TASP1: variants seen among roughly 807,000 people sequenced by gnomAD.
TASP1 encodes taspase 1.
A neutral mutation model predicts 56.6 loss-of-function variants in TASP1; 16 were observed. The ratio of observed to expected loss-of-function variants is 0.28; its 90% CI spans 0.19 to 0.43. The LOEUF (loss-of-function observed/expected upper bound fraction) is 0.43, where lower values mean the gene tolerates loss of function less well. Ranked by LOEUF, TASP1 falls within the 20% of genes least tolerant of loss-of-function variation. TASP1 has a pLI of 1.00. For synonymous variants in TASP1, 179 were observed against 184.2 expected, an observed-to-expected ratio of 0.97 and a Z score of 0.23; for missense variants, 393 against 511.6, an observed-to-expected ratio of 0.77 and a Z score of 2.24.
chr20:13,404,369 G>A (rs1239497427), intron 13 of TASP1, among the ~76,000 whole-genome samples: 1 of 152,186 alleles, frequency 6.6e-6, no homozygotes, highest in Non-Finnish European at 1.5e-5. Context: ...TTGGGAGGCC[G>A]AGGCGGGAGT....
the TASP1 span, among the ~76,000 whole-genome samples, chr20:13,253,739 A>C: frequency 1.3e-5 from 2 of 152,266 alleles, no homozygotes; most frequent in East Asian, 3.9e-4. Context: ...ACATGAATTA[A>C]ATTAATAACT....
chr20:13,310,040 A>G, the TASP1 span, among the ~76,000 whole-genome samples: 1 of 152,222 alleles, frequency 6.6e-6, no homozygotes, highest in Non-Finnish European at 1.5e-5. Flanking sequence ...AATTCGATGC[A>G]ATCCCTAACA....
At chr20:13,436,190 A>G (rs1250316206) in intron 11 of TASP1, among the ~76,000 whole-genome samples, 1 of 152,174 alleles carries the variant, frequency 6.6e-6, no homozygotes, top group Non-Finnish European at 1.5e-5. Flanking sequence ...AAAAAGGTTC[A>G]GAAATTGTAG....
chr20:13,359,960 T>G, the TASP1 span, among the ~76,000 whole-genome samples: 14 of 151,852 alleles, frequency 9.2e-5, no homozygotes, highest in Non-Finnish European at 1.9e-4. Context: ...TATCCCATCC[T>G]GCAGCACACT....
chr20:13,464,485 T>A (rs905394597), intron 11 of TASP1, among the ~76,000 whole-genome samples: 7 of 152,132 alleles, frequency 4.6e-5, no homozygotes, highest in African/African-American at 1.7e-4. Flanking sequence ...CCCAGCACAC[T>A]AATATAAGGA....
chr20:13,415,444 CTTTTTTT>C (rs368921864), intron 13 of TASP1, among the ~76,000 whole-genome samples: 11 of 133,050 alleles, frequency 8.3e-5, no homozygotes, highest in Non-Finnish European at 1.6e-4. Flanking sequence ...TTGGGGTTTT[CTTTTTTT>C]TTTTTTTTTT....
At chr20:13,106,082 G>A in the TASP1 span, among the ~76,000 whole-genome samples, 1 of 152,100 alleles carries the variant, frequency 6.6e-6, no homozygotes, top group Admixed American at 6.6e-5. Flanking sequence ...TCTTGGGAAC[G>A]TTCAAAAAAT....
chr20:13,339,105 G>T, the TASP1 span, among the ~76,000 whole-genome samples: 1 of 152,212 alleles, frequency 6.6e-6, no homozygotes, highest in Non-Finnish European at 1.5e-5. Flanking sequence ...TAAATCTGCT[G>T]AGTTTAGGAC....
At chr20:13,522,186 C>A (rs1601108861) in intron 10 of TASP1, among the ~76,000 whole-genome samples, 1 of 152,206 alleles carries the variant, frequency 6.6e-6, no homozygotes, top group Non-Finnish European at 1.5e-5. Flanking sequence ...CCTTATAGGC[C>A]CTTCATTAGG....
intron 11 of TASP1, among the ~76,000 whole-genome samples, chr20:13,454,145 T>C (rs2043737566): frequency 6.6e-6 from 1 of 151,912 alleles, no homozygotes; most frequent in Admixed American, 6.6e-5. Flanking sequence ...GTAATCACAC[T>C]GGAAACCATG....
At chr20:13,384,473 CCAAA>C (rs746714852), downstream of TASP1, among the ~76,000 whole-genome samples, 22 of 152,158 alleles carry the variant, frequency 1.4e-4, no homozygotes, top group Non-Finnish European at 2.5e-4. Flanking sequence ...CTTCCTGTGG[CCAAA>C]CACTTTAGAG....
At chr20:13,445,002 A>G (rs1287702389) in intron 11 of TASP1, among the ~76,000 whole-genome samples, 2 of 152,188 alleles carry the variant, frequency 1.3e-5, no homozygotes, top group African/African-American at 4.8e-5. Context: ...AGGAGAGGAG[A>G]GTTGAATTGA....
the TASP1 span, among the ~76,000 whole-genome samples, chr20:13,268,149 C>CTCTTCTCTTCTCTTCTCTTA: frequency 1.3e-5 from 2 of 150,220 alleles, no homozygotes; most frequent in African/African-American, 4.9e-5. Flanking sequence ...CTCTTCTCTT[C>CTCTTCTCTTCTCTTCTCTTA]TCTTCCCTTC....
intron 11 of TASP1, among the ~76,000 whole-genome samples, chr20:13,447,009 T>C (rs966635397): frequency 6.6e-5 from 10 of 152,152 alleles, no homozygotes; most frequent in African/African-American, 2.2e-4. Context: ...TCTGGACATA[T>C]TTACCTTTCA....
chr20:13,511,567 A>G (rs1244824343), intron 10 of TASP1, among the ~76,000 whole-genome samples: 1 of 152,048 alleles, frequency 6.6e-6, no homozygotes, highest in Non-Finnish European at 1.5e-5. Context: ...CATAGAACAA[A>G]GCCTCTACCA....
chr20:13,380,221 T>C, the TASP1 span, among the ~76,000 whole-genome samples: 1 of 152,250 alleles, frequency 6.6e-6, no homozygotes, highest in African/African-American at 2.4e-5. Context: ...TATCTACCTT[T>C]GGTCTTTGAT....
chr20:13,419,414 T>G (rs1251850975), intron 12 of TASP1, among the ~76,000 whole-genome samples: 2 of 152,176 alleles, frequency 1.3e-5, no homozygotes. Flanking sequence ...CTTTTCTGTA[T>G]GTATAAAATT....
the TASP1 span, chr20:13,126,610 G>A: frequency 1.5e-5 from 25 of 1,613,468 alleles, no homozygotes; most frequent in East Asian, 2.2e-5. Context: ...GATTATTTAC[G>A]GGTTCACTCG....
the TASP1 span, among the ~76,000 whole-genome samples, chr20:13,121,676 G>A: frequency 1.3e-4 from 20 of 152,232 alleles, no homozygotes; most frequent in South Asian, 4.1e-4. Context: ...ATGGGGGAAC[G>A]AGAGGGGGAA....
Sources: gnomAD v4.1 joint callset for allele counts (sites outside exome capture counted in the v4.1 genomes callset) on GRCh38, gnomAD v4.1.1 for gene constraint, MANE v1.5 for transcripts, NCBI Gene and HGNC (gene_info 2026-07-23, HGNC 2026-07-21) for gene names.